The following ZNF385D variants were observed in gnomAD, a reference collection of about 807,000 sequenced individuals.
The protein encoded by ZNF385D is zinc finger protein 385D.
In ZNF385D, 15 loss-of-function variants were observed where a neutral mutation model predicts 35.8. The observed-to-expected ratio is 0.42, with a 90% CI of 0.28 to 0.64. The LOEUF is 0.64. Ranked by LOEUF, ZNF385D falls within the 30% of genes least tolerant of loss-of-function variation. The pLI is 0.23. For missense variants in ZNF385D, 474 were observed against 494.6 expected (o/e 0.96, Z 0.39); for synonymous variants, 212 against 186.8 (o/e 1.13, Z -1.10).
chr3:22,124,216 T>C (rs6798378), intron 3 of ZNF385D, among the ~76,000 whole-genome samples: 1 of 151,580 alleles, frequency 6.6e-6, no homozygotes, highest in Non-Finnish European at 1.5e-5. Flanking sequence ...TTTCATTTAT[T>C]ATGTCCTTCA....
At chr3:22,344,867 C>A (rs534176836) in intron 2 of ZNF385D, among the ~76,000 whole-genome samples, 1 of 152,268 alleles carries the variant, frequency 6.6e-6, no homozygotes, top group East Asian at 1.9e-4. Context: ...ACCAACTAAA[C>A]TATTTAAACT....
In ZNF385D at chr3:22,319,347, TTAA is replaced by T. The variant is rs1302835687; in HGVS notation, c.106+53100_106+53102del. On this transcript the variant is annotated intron_variant, in intron 2 of 5. Transcript: ENST00000494108. ...TAACATGAATAATATGTAATATTAG[TTAA>T]TAAATTAGCTAAATATTAACTATTT... Among the ~76,000 whole-genome samples, 4 of 151,876 alleles carry T rather than the reference TTAA, an allele frequency of 2.6e-5. No individual in the cohort carries two copies. The East Asian group carries it at 7.7e-4, about 29-fold the overall frequency.
chr3:21,762,874 C>T (rs1258299139), intron 3 of ZNF385D, among the ~76,000 whole-genome samples: 1 of 152,110 alleles, frequency 6.6e-6, no homozygotes, highest in Non-Finnish European at 1.5e-5. Flanking sequence ...CATTCAAACT[C>T]TAGAACACAG....
At chr3:22,180,431 T>C (rs1285976415) in intron 2 of ZNF385D, among the ~76,000 whole-genome samples, 4 of 152,200 alleles carry the variant, frequency 2.6e-5, no homozygotes, top group African/African-American at 7.2e-5. Context: ...CCTAACTCAT[T>C]TTATGAGGCC....
At chr3:22,046,430 G>A (rs1260938447) in intron 3 of ZNF385D, among the ~76,000 whole-genome samples, 1 of 152,010 alleles carries the variant, frequency 6.6e-6, no homozygotes, top group South Asian at 2.1e-4. Context: ...TTGTAGATTG[G>A]CTAAAATTCC....
At chr3:22,110,456 C>A (rs1702458024) in intron 3 of ZNF385D, among the ~76,000 whole-genome samples, 1 of 152,020 alleles carries the variant, frequency 6.6e-6, no homozygotes, top group Admixed American at 6.6e-5. Flanking sequence ...TACTATGCAG[C>A]CATAAAAAAT....
intron 3 of ZNF385D, among the ~76,000 whole-genome samples, chr3:22,103,150 A>G (rs1445960051): frequency 1.3e-5 from 2 of 149,816 alleles, no homozygotes; most frequent in African/African-American, 4.9e-5. Flanking sequence ...TATTTTCTCA[A>G]GATACTGCGG....
At chr3:21,945,244 G>C (rs1323321552) in intron 3 of ZNF385D, among the ~76,000 whole-genome samples, 2 of 151,966 alleles carry the variant, frequency 1.3e-5, no homozygotes, top group Non-Finnish European at 2.9e-5. Flanking sequence ...AGGAGAAAGA[G>C]AAATTTTTCT....
chr3:21,766,795 T>C (rs1165000498), intron 3 of ZNF385D, among the ~76,000 whole-genome samples: 1 of 152,108 alleles, frequency 6.6e-6, no homozygotes, highest in East Asian at 1.9e-4. Context: ...GTAGTGGAGA[T>C]CCTTGAAGTC....
exon 2 of ZNF385D, chr3:22,372,626 G>T (rs1696963230): frequency 2.0e-5 from 10 of 497,358 alleles, no homozygotes; most frequent in Non-Finnish European, 2.3e-5. Context: ...CTTCAACGGC[G>T]GTGGTCGCCG....
At chr3:21,600,237 T>C (rs933876640) in intron 2 of ZNF385D, among the ~76,000 whole-genome samples, 4 of 152,194 alleles carry the variant, frequency 2.6e-5, no homozygotes, top group Non-Finnish European at 5.9e-5. Flanking sequence ...AGCCGTTCTT[T>C]CATTCCTCTA....
intron 2 of ZNF385D, among the ~76,000 whole-genome samples, chr3:21,656,320 G>A (rs760894033): frequency 2.6e-5 from 4 of 151,902 alleles, no homozygotes; most frequent in Non-Finnish European, 5.9e-5. Flanking sequence ...CACATTTATT[G>A]TCTCACGGTT....
Position 21,857,221 on chromosome 3 carries a change from T to C in ZNF385D, c.326-192193A>G, listed in dbSNP as rs149732037. Among the ~76,000 whole-genome samples the C allele has an allele frequency of 2.0e-5, 3 of 152,174 alleles. No homozygotes were observed. The East Asian group carries it at 5.8e-4, about 30-fold the overall frequency. ...CATTTCATGGCACCAACAACAAAGT[T>C]AGTTATTTTTTCTATATTTTTATTG... On this transcript the variant is annotated intron_variant, in intron 3 of 5. Transcript: ENST00000494108.
rs369501630 is a variant in ZNF385D, at chr3:21,702,701, C to T, written c.23-37673G>A. ...GCACCCAAGTCACTCTTGAATGCTTCGCTGCTTAGAAATTTCTTCCACCAG... is the reference window on the plus strand; with the variant it reads ...GCACCCAAGTCACTCTTGAATGCTTTGCTGCTTAGAAATTTCTTCCACCAG... On this transcript the variant is annotated intron_variant, in intron 1 of 7. Coordinates refer to ENST00000281523, the MANE Select transcript of ZNF385D (RefSeq NM_024697.3). 9.2e-3 allele frequency among the ~76,000 whole-genome samples: 1,408 copies of T among 152,272 alleles called. 20 individuals carry two copies. The highest frequency in any genetic ancestry group is 0.032 in the African/African-American group (1,310 of 41,560).
chr3:22,253,310 CTG>C lies in ZNF385D; in HGVS notation c.107-84277_107-84276del, dbSNP rs144140134. ...GGTATTGTAAAAACTAAGAAATAGA[CTG>C]TAATTGAAACCATAAGGTTAGTTGC... On this transcript the variant is annotated intron_variant, in intron 2 of 5. Transcript: ENST00000494108. Among the ~76,000 whole-genome samples the C allele has an allele frequency of 8.0e-3, 1,215 of 151,902 alleles. 18 individuals carry two copies. Among genetic ancestry groups the C allele is most frequent in the African/African-American group, 0.028 (1,147 of 41,472 alleles).
intron 3 of ZNF385D, among the ~76,000 whole-genome samples, chr3:22,017,585 CTCTTT>C (rs63682360): frequency 0.012 from 1,812 of 151,604 alleles, 19 homozygotes; most frequent in Non-Finnish European, 0.019. Context: ...CTTCCTTATT[CTCTTT>C]TATCAATTTT....
intron 3 of ZNF385D, among the ~76,000 whole-genome samples, chr3:21,888,840 G>T (rs530674266): frequency 6.6e-6 from 1 of 152,204 alleles, no homozygotes. Context: ...CCAAGGTGAC[G>T]GCAGAGGGCC....
At chr3:21,524,439 G>C (rs1249564414) in intron 3 of ZNF385D, among the ~76,000 whole-genome samples, 5 of 152,238 alleles carry the variant, frequency 3.3e-5, no homozygotes, top group South Asian at 2.1e-4. Flanking sequence ...ATTCTTCACT[G>C]GACATCATCA....
intron 2 of ZNF385D, among the ~76,000 whole-genome samples, chr3:22,194,957 T>C (rs1696310720): frequency 6.6e-6 from 1 of 151,924 alleles, no homozygotes; most frequent in African/African-American, 2.4e-5. Context: ...ACAGGCTGTT[T>C]TGTGAATTTA....
Sources: allele counts gnomAD v4.1 joint callset (sites outside exome capture counted in the v4.1 genomes callset), GRCh38; gene constraint gnomAD v4.1.1; transcripts MANE v1.5; gene names NCBI Gene and HGNC (gene_info 2026-07-23, HGNC 2026-07-21).